SPPL3: variants seen among roughly 807,000 people sequenced by gnomAD.
The protein encoded by SPPL3 is signal peptide peptidase like 3.
In SPPL3, 5 loss-of-function variants were observed where a neutral mutation model predicts 42.4. The observed-to-expected ratio is 0.12, with a 90% CI of 0.06 to 0.25. The LOEUF (loss-of-function observed/expected upper bound fraction) is 0.25. Among genes scored for constraint, SPPL3 ranks in the 10% least tolerant of loss-of-function variants. The probability of loss-of-function intolerance (pLI) is 1.00; values close to 1 mark genes in which losing one functional copy is unlikely to be tolerated. For synonymous variants in SPPL3, 195 were observed against 181.8 expected, an observed-to-expected ratio of 1.07 and a Z score of -0.58; for missense variants, 235 against 489.0, an observed-to-expected ratio of 0.48 and a Z score of 4.90.
intron 1 of SPPL3, among the ~76,000 whole-genome samples, chr12:120,881,636 A>T (rs1873289358): frequency 1.3e-5 from 2 of 151,280 alleles, no homozygotes; most frequent in Admixed American, 1.3e-4. Flanking sequence ...TAGTAACTAA[A>T]AGGTGGAAGC....
intron 6 of SPPL3, among the ~76,000 whole-genome samples, chr12:120,771,190 C>A (rs1004638669): frequency 7.2e-5 from 11 of 152,204 alleles, no homozygotes; most frequent in African/African-American, 2.4e-4. Flanking sequence ...TAGCTCAAAA[C>A]TCTTAAACAA....
chr12:120,802,671 G>A (rs1339326547), intron 2 of SPPL3, among the ~76,000 whole-genome samples: 2 of 151,868 alleles, frequency 1.3e-5, no homozygotes, highest in African/African-American at 2.4e-5. Flanking sequence ...CTGACCTCAC[G>A]TGATCCTCCC....
Position 120,904,048 on chromosome 12 carries a change from C to T in SPPL3, c.-181G>A, listed in dbSNP as rs1566075177. On this transcript the variant is annotated 5_prime_UTR_variant, in exon 1 of 11. Coordinates refer to ENST00000353487, the MANE Select transcript of SPPL3 (RefSeq NM_139015.5). ...GGCGGGGAGAGGCCGGGCTCCGAAG[C>T]GGCCCCGCTCCCTGGGCCCCGGGGC... The T allele has an allele frequency of 5.4e-6, 2 of 371,344 alleles. No individual in the cohort carries two copies. The highest frequency in any genetic ancestry group is 9.1e-6 in the Non-Finnish European group (2 of 218,820). The allele number at this position is 371,344 out of a possible 1,614,324, so 23.0% of individuals were successfully genotyped here.
intron 1 of SPPL3, among the ~76,000 whole-genome samples, chr12:120,844,636 C>T (rs1254063765): frequency 6.6e-6 from 1 of 152,206 alleles, no homozygotes; most frequent in African/African-American, 2.4e-5. Flanking sequence ...TCATTCCCAC[C>T]GTAGGACTAT....
intron 1 of SPPL3, among the ~76,000 whole-genome samples, chr12:120,880,451 CACTATTAACAA>C (rs906153689): frequency 6.6e-5 from 10 of 151,898 alleles, no homozygotes; most frequent in Non-Finnish European, 1.5e-4. Context: ...CACCAAAGGC[CACTATTAACAA>C]AATCAAAAGA....
intron 1 of SPPL3, among the ~76,000 whole-genome samples, chr12:120,822,313 A>C (rs565170868): frequency 1.3e-5 from 2 of 152,250 alleles, no homozygotes; most frequent in Non-Finnish European, 2.9e-5. Flanking sequence ...GGAAAATTTT[A>C]AAAACTGCTC....
intron 3 of SPPL3, among the ~76,000 whole-genome samples, chr12:120,786,045 T>C (rs970187439): frequency 5.9e-5 from 9 of 152,166 alleles, no homozygotes; most frequent in African/African-American, 1.7e-4. Flanking sequence ...GTATTTAAAT[T>C]TGCCTGTCCC....
At chr12:120,868,275 AT>A (rs1872818064) in intron 1 of SPPL3, among the ~76,000 whole-genome samples, 1 of 151,872 alleles carries the variant, frequency 6.6e-6, no homozygotes, top group African/African-American at 2.4e-5. Flanking sequence ...AAAAAAAAAA[AT>A]GTTAGGGAAA....
At chr12:120,849,688 C>CTA (rs752997333) in intron 1 of SPPL3, among the ~76,000 whole-genome samples, 22 of 152,168 alleles carry the variant, frequency 1.4e-4, no homozygotes, top group Non-Finnish European at 2.9e-4. Context: ...GGAAGCTTGA[C>CTA]TAGTGCACAA....
chr12:120,852,687 TAA>T, intron 1 of SPPL3, among the ~76,000 whole-genome samples: 1 of 22,486 alleles, frequency 4.4e-5, no homozygotes, highest in East Asian at 1.5e-3. Flanking sequence ...TATGCATATA[TAA>T]TATACATATT....
At chr12:120,903,067 A>C (rs1199902669) in intron 1 of SPPL3, among the ~76,000 whole-genome samples, 1 of 152,098 alleles carries the variant, frequency 6.6e-6, no homozygotes, top group Non-Finnish European at 1.5e-5. Flanking sequence ...CCCCACAGAA[A>C]TGAACTTAAC....
chr12:120,783,096 A>G (rs947264563), intron 5 of SPPL3, among the ~76,000 whole-genome samples: 1 of 152,180 alleles, frequency 6.6e-6, no homozygotes, highest in South Asian at 2.1e-4. Context: ...CAACAATTCA[A>G]CTCATTTACC....
At chr12:120,813,190 G>C (rs1465345686) in intron 1 of SPPL3, among the ~76,000 whole-genome samples, 1 of 151,904 alleles carries the variant, frequency 6.6e-6, no homozygotes, top group African/African-American at 2.4e-5. Flanking sequence ...AATTAACCTC[G>C]TGAGGAAAGA....
chr12:120,787,039 C>T (rs987383554), intron 3 of SPPL3, among the ~76,000 whole-genome samples: 5 of 152,070 alleles, frequency 3.3e-5, no homozygotes, highest in South Asian at 2.1e-4. Flanking sequence ...GCTAAATGTA[C>T]GTCTGGTATG....
At chr12:120,781,580 T>G (rs866795681) in intron 6 of SPPL3, among the ~76,000 whole-genome samples, 2,086 of 114,982 alleles carry the variant, frequency 0.018, 110 homozygotes, top group South Asian at 0.088. Flanking sequence ...TTTTTTTTTT[T>G]TTTTTTTTTT....
chr12:120,797,826 TTCCCACCTCTATGAC>T (rs1474099486), intron 2 of SPPL3, among the ~76,000 whole-genome samples: 2 of 152,276 alleles, frequency 1.3e-5, no homozygotes, highest in East Asian at 3.9e-4. Flanking sequence ...ACTTCGTAGT[TTCCCACCTCTATGAC>T]TCAAAATTTC....
chr12:120,896,368 G>A (rs972365084), intron 1 of SPPL3, among the ~76,000 whole-genome samples: 4 of 152,138 alleles, frequency 2.6e-5, no homozygotes, highest in African/African-American at 9.7e-5. Flanking sequence ...ATTTTTCCCT[G>A]TAAAACTGAA....
At position 120,855,702 on chromosome 12, in the gene SPPL3, AAAAAG is replaced by A. The variant is rs567516364; in HGVS notation, c.24-44821_24-44817del. The stretch of plus-strand genomic sequence containing the variant: ...TGAGCAAGACTCCATCTCAAAAAAA[AAAAAG>A]AAAAGAAAAGAAAAACAGTACTTCA... On this transcript the variant is annotated intron_variant, in intron 1 of 10. Transcript: ENST00000353487. Among the ~76,000 whole-genome samples the A allele has an allele frequency of 1.2e-3, 184 of 152,142 alleles. 2 individuals are homozygous for A. Among genetic ancestry groups the A allele is most frequent in the African/African-American group, 4.2e-3 (175 of 41,462 alleles).
chr12:120,789,193 C>T (rs547737415), intron 3 of SPPL3, among the ~76,000 whole-genome samples: 2 of 152,278 alleles, frequency 1.3e-5, no homozygotes, highest in Admixed American at 1.3e-4. Context: ...GTGGCTCATG[C>T]CTATAATCCC....
Sources: allele counts gnomAD v4.1 joint callset (sites outside exome capture counted in the v4.1 genomes callset), GRCh38; gene constraint gnomAD v4.1.1; transcripts MANE v1.5; gene names NCBI Gene and HGNC (gene_info 2026-07-23, HGNC 2026-07-21).